Variants in NBEA observed in about 807,000 individuals in gnomAD.
NBEA encodes the protein neurobeachin.
NBEA carries 44 observed loss-of-function variants against 343.4 expected under a neutral mutation model. The ratio of observed to expected loss-of-function variants is 0.13; its 90% CI spans 0.10 to 0.16. The LOEUF is 0.16. Ranked by LOEUF, NBEA falls within the 10% of genes least tolerant of loss-of-function variation. The pLI, the probability that NBEA is intolerant of heterozygous loss-of-function variation, is 1.00. For synonymous variants in NBEA, 1,175 were observed against 1,238.7 expected, an observed-to-expected ratio of 0.95 and a Z score of 1.08; for missense variants, 2,555 against 3,631.3, an observed-to-expected ratio of 0.70 and a Z score of 7.62.
At chr13:35,323,037 A>G (rs991614288) in intron 36 of NBEA, among the ~76,000 whole-genome samples, 1 of 151,752 alleles carries the variant, frequency 6.6e-6, no homozygotes, top group African/African-American at 2.4e-5. Context: ...TTTTGTAGAG[A>G]TGGGGTTCTG....
chr13:35,604,620 T>C (rs1443127802), intron 47 of NBEA, among the ~76,000 whole-genome samples: 1 of 152,170 alleles, frequency 6.6e-6, no homozygotes, highest in South Asian at 2.1e-4. Context: ...TTAAAAACTC[T>C]TTTTTAAAAT....
chr13:35,549,779 A>G (rs2079225277), intron 41 of NBEA, among the ~76,000 whole-genome samples: 1 of 152,210 alleles, frequency 6.6e-6, no homozygotes, highest in African/African-American at 2.4e-5. Flanking sequence ...TCCTTCCACA[A>G]AGTTACAAGG....
intron 38 of NBEA, among the ~76,000 whole-genome samples, chr13:35,429,834 TAC>T (rs1555262950): frequency 4.7e-5 from 7 of 148,440 alleles, no homozygotes; most frequent in East Asian, 4.1e-4. Flanking sequence ...TGTGTGTGTG[TAC>T]ACACATTTTC....
intron 1 of NBEA, among the ~76,000 whole-genome samples, chr13:34,976,530 T>G (rs1001952695): frequency 3.3e-5 from 5 of 152,098 alleles, no homozygotes; most frequent in Non-Finnish European, 7.4e-5. Context: ...AAGAACTTAT[T>G]TATGTAACTC....
At chr13:34,964,660 C>T (rs2059763790) in intron 1 of NBEA, among the ~76,000 whole-genome samples, 2 of 151,958 alleles carry the variant, frequency 1.3e-5, no homozygotes, top group Non-Finnish European at 2.9e-5. Flanking sequence ...TGGACTTGGA[C>T]TGTTCTGAAG....
At chr13:35,386,501 A>AT (rs975542575) in intron 38 of NBEA, among the ~76,000 whole-genome samples, 1 of 152,088 alleles carries the variant, frequency 6.6e-6, no homozygotes, top group African/African-American at 2.4e-5. Context: ...TGACTCTAAA[A>AT]TTTTTCTCTT....
chr13:35,312,772 A>G (rs750400673), intron 36 of NBEA, among the ~76,000 whole-genome samples: 5 of 152,206 alleles, frequency 3.3e-5, no homozygotes, highest in Non-Finnish European at 7.3e-5. Context: ...AGAAGGAATC[A>G]AGGATATTTT....
In NBEA at chr13:35,123,539, G is replaced by A; in HGVS notation, c.2301G>A (p.Lys767=). 7 of 1,540,278 alleles carry A rather than the reference G, an allele frequency of 4.5e-6. No individual in the cohort carries two copies. Among genetic ancestry groups the A allele is most frequent in the East Asian group, 2.3e-5 (1 of 43,326 alleles). ...AAAGTATTTGGGTTCAAGCTTTGAA[G>A]GTTCTGGGATACTTTCTGAAGCATT... ...KSESIWVQAL[K]VLGYFLKHLG... Residue 767 remains lysine, a synonymous_variant, in exon 17 of 59, where the codon AAG becomes AAA. Coordinates refer to ENST00000379939, the MANE Select transcript of NBEA (RefSeq NM_001385012.1).
chr13:35,472,040 G>C (rs543138092), intron 40 of NBEA, among the ~76,000 whole-genome samples: 59 of 152,196 alleles, frequency 3.9e-4, no homozygotes, highest in Admixed American at 1.6e-3. Flanking sequence ...TGACTGCCTA[G>C]GGTCTCTGGA....
chr13:35,482,760 A>G (rs1191828160), intron 41 of NBEA, among the ~76,000 whole-genome samples: 1 of 151,818 alleles, frequency 6.6e-6, no homozygotes. Context: ...CTTTGCATAC[A>G]GTAGTATTCC....
intron 38 of NBEA, among the ~76,000 whole-genome samples, chr13:35,407,260 C>T (rs371127751): frequency 2.0e-5 from 3 of 151,966 alleles, no homozygotes; most frequent in Non-Finnish European, 4.4e-5. Flanking sequence ...CCACTGCACC[C>T]GGCCTATTTT....
At chr13:35,050,802 A>G (rs150915638) in intron 6 of NBEA, among the ~76,000 whole-genome samples, 328 of 152,070 alleles carry the variant, frequency 2.2e-3, no homozygotes, top group African/African-American at 7.3e-3. Flanking sequence ...ACCTAATCCT[A>G]GTAGTTCTGA....
At chr13:34,972,436 T>G (rs201342721) in intron 1 of NBEA, among the ~76,000 whole-genome samples, 1 of 152,166 alleles carries the variant, frequency 6.6e-6, no homozygotes, top group Admixed American at 6.5e-5. Context: ...TAACTTGAGA[T>G]CTCTCTAATT....
intron 41 of NBEA, chr13:35,475,163 G>C (rs1469707791): frequency 1.9e-6 from 3 of 1,613,978 alleles, no homozygotes; most frequent in Non-Finnish European, 2.5e-6. Context: ...CCTTGAAACA[G>C]ATCTAAGTTC....
intron 48 of NBEA, among the ~76,000 whole-genome samples, chr13:35,608,625 G>C (rs2082382230): frequency 6.6e-6 from 1 of 152,130 alleles, no homozygotes; most frequent in South Asian, 2.1e-4. Flanking sequence ...AATTATAGAG[G>C]TGTAGTAATC....
In NBEA at chr13:35,247,108, C is replaced by G. The variant is rs372251155; in HGVS notation, c.5776+14489C>G. Among the ~76,000 whole-genome samples, 30 of 152,246 alleles carry G rather than the reference C, an allele frequency of 2.0e-4. 1 individual carries two copies. The East Asian group carries it at 5.4e-3, about 28-fold the overall frequency. On this transcript the variant is annotated intron_variant, in intron 34 of 58. Coordinates refer to ENST00000379939, the MANE Select transcript of NBEA (RefSeq NM_001385012.1). ...CAGGACTCACCCAGTTCCCACTCAA[C>G]CCAGATGGCCGGTCTCATTCCAACC...
At position 35,044,603 on chromosome 13, in the gene NBEA, GGTGTGTGTGTGTGT is replaced by G. The variant is rs3045194; in HGVS notation, c.527-315_527-302del. On this transcript the variant is annotated intron_variant, in intron 2 of 58. Coordinates refer to ENST00000379939, the MANE Select transcript of NBEA (RefSeq NM_001385012.1). ...CCCTGCACACAGCAGGCTGTGTTGT[GGTGTGTGTGTGTGT>G]GTGTGTGTGTGTGTGTGTGTGTGTG... 7.0e-5 allele frequency among the ~76,000 whole-genome samples: 10 copies of G among 142,598 alleles called. No homozygotes were observed. In the East Asian group the frequency reaches 8.3e-4, roughly 12 times the overall value. 93.5% of individuals were successfully genotyped at this position (142,598 alleles called of 152,430 possible).
In NBEA at chr13:34,942,960, G is replaced by C; in HGVS notation, c.140G>C (p.Gly47Ala). The change falls in exon 1 of 59, where the codon GGG becomes GCG. Residue 47 changes from glycine to alanine, a missense_variant. Around this residue, in one of 21 missense-constraint regions of NBEA, gnomAD observed 122 missense variants for 91.0 expected, o/e 1.34. Transcript: ENST00000379939. The stretch of plus-strand genomic sequence containing the variant: ...GGCAGCGGGATGGGGGAGCTAAGGG[G>C]GGCGTCCGGCTCCGGCTCGGTGATG... ...TGGSGMGELR[G>A]ASGSGSVMLP... 1 of 1,599,340 alleles carries C rather than the reference G, an allele frequency of 6.3e-7. No individual in the cohort carries two copies. Among genetic ancestry groups the C allele is most frequent in the Non-Finnish European group, 8.5e-7 (1 of 1,173,252 alleles).
intron 38 of NBEA, among the ~76,000 whole-genome samples, chr13:35,407,000 C>A (rs535975884): frequency 2.7e-5 from 4 of 148,324 alleles, no homozygotes; most frequent in Admixed American, 2.7e-4. Context: ...CACTCTGTTG[C>A]CCAGAATGGA....
Sources: gnomAD v4.1 joint callset for allele counts (sites outside exome capture counted in the v4.1 genomes callset) on GRCh38, gnomAD v4.1.1 for gene constraint, gnomAD v4.1.1 regional missense constraint, MANE v1.5 for transcripts, NCBI Gene and HGNC (gene_info 2026-07-23, HGNC 2026-07-21) for gene names.